Variants in FCHO2 observed in about 807,000 individuals in gnomAD.
FCHO2 encodes F-BAR domain only protein 2.
In FCHO2, 43 loss-of-function variants were observed where a neutral mutation model predicts 114.1. That is an observed-to-expected ratio of 0.38 (90% CI 0.30 to 0.49). The LOEUF (loss-of-function observed/expected upper bound fraction) is 0.49, where lower values mean the gene tolerates loss of function less well. Ranked by LOEUF, FCHO2 falls within the 20% of genes least tolerant of loss-of-function variation. The pLI is 0.97. For missense variants in FCHO2, 807 were observed against 950.4 expected (o/e 0.85, Z 1.98); for synonymous variants, 293 against 315.2 (o/e 0.93, Z 0.75).
intron 8 of FCHO2, among the ~76,000 whole-genome samples, chr5:73,034,099 A>G (rs1311864280): frequency 6.6e-6 from 1 of 152,224 alleles, no homozygotes; most frequent in Non-Finnish European, 1.5e-5. Flanking sequence ...TCCCAAGGTC[A>G]CCACTTAACT....
chr5:73,052,486 A>T lies in FCHO2; in HGVS notation c.1152A>T (p.Ile384=). ...LDELKVSIGN[I]TLSPAISRHS... ...AATTAAAAGTATCTATAGGGAATATAACACTCTCCCCAGCAATATCTGTAA... is the reference window on the plus strand; with the variant it reads ...AATTAAAAGTATCTATAGGGAATATTACACTCTCCCCAGCAATATCTGTAA... Residue 384 remains isoleucine, a synonymous_variant, in exon 13 of 26, where the codon ATA becomes ATT. Transcript: ENST00000430046. The T allele has an allele frequency of 6.3e-7, 1 of 1,593,032 alleles. No individual in the cohort carries two copies. Among genetic ancestry groups the T allele is most frequent in the Non-Finnish European group, 8.6e-7 (1 of 1,168,818 alleles).
intron 5 of FCHO2, among the ~76,000 whole-genome samples, chr5:72,992,501 A>T (rs1753859386): frequency 6.6e-6 from 1 of 152,246 alleles, no homozygotes; most frequent in Non-Finnish European, 1.5e-5. Flanking sequence ...GTCCTAAAGT[A>T]GGCAGTGGGA....
intron 2 of FCHO2, among the ~76,000 whole-genome samples, chr5:72,982,391 G>A (rs575846830): frequency 6.6e-6 from 1 of 152,294 alleles, no homozygotes; most frequent in Non-Finnish European, 1.5e-5. Flanking sequence ...TGGGTTTTAA[G>A]AGTTCTTTAT....
intron 8 of FCHO2, among the ~76,000 whole-genome samples, chr5:73,022,156 G>A (rs1348575287): frequency 2.0e-5 from 3 of 152,124 alleles, no homozygotes; most frequent in Non-Finnish European, 2.9e-5. Flanking sequence ...TTTTGAGAAT[G>A]CCTTTAAACC....
intron 11 of FCHO2, among the ~76,000 whole-genome samples, chr5:73,050,306 T>C (rs1054513067): frequency 1.1e-4 from 15 of 141,982 alleles, no homozygotes; most frequent in East Asian, 2.1e-4. Flanking sequence ...ATTTATTTAT[T>C]TATTTATTTA....
chr5:72,979,531 A>G (rs1753076929), intron 2 of FCHO2, among the ~76,000 whole-genome samples: 2 of 149,732 alleles, frequency 1.3e-5, no homozygotes, highest in South Asian at 4.3e-4. Context: ...AGCTGGGACT[A>G]CAGGCGCCCG....
chr5:73,024,234 A>C (rs1347967665), intron 8 of FCHO2, among the ~76,000 whole-genome samples: 1 of 151,798 alleles, frequency 6.6e-6, no homozygotes, highest in Admixed American at 6.6e-5. Context: ...TGATTTTTAA[A>C]AATTTTTAGT....
At chr5:73,058,338 T>G in intron 16 of FCHO2, 95 bp from the exon 17 acceptor site, 1 of 831,276 alleles carries the variant, frequency 1.2e-6, no homozygotes, top group Non-Finnish European at 1.8e-6. Flanking sequence ...TATATTGAGC[T>G]GTTAGAATTC....
chr5:72,977,370 T>A (rs1394213872), intron 2 of FCHO2, among the ~76,000 whole-genome samples: 1 of 152,246 alleles, frequency 6.6e-6, no homozygotes, highest in African/African-American at 2.4e-5. Flanking sequence ...ATTTCTCTAA[T>A]GACCAGTGAT....
intron 6 of FCHO2, among the ~76,000 whole-genome samples, chr5:73,010,806 G>A (rs540150666): frequency 6.8e-6 from 1 of 146,810 alleles, no homozygotes; most frequent in African/African-American, 2.5e-5. Flanking sequence ...GAAATGGGAA[G>A]CAGAGGTTGT....
At chr5:72,979,437 G>A (rs1469698309) in intron 2 of FCHO2, among the ~76,000 whole-genome samples, 2 of 118,894 alleles carry the variant, frequency 1.7e-5, no homozygotes, top group Non-Finnish European at 3.2e-5. Context: ...TGTCGCCCAG[G>A]CTGGAGTGCA....
chr5:73,089,350 T>A lies in FCHO2; in HGVS notation c.*1260T>A, dbSNP rs535650263. ...TGTGAGGGATGCATTTTTTAAAAGA[T>A]TAATTTTGGAAACAGAAGGAGAAGC... On this transcript the variant is annotated 3_prime_UTR_variant, in exon 26 of 26. Transcript: ENST00000430046. 3 of 152,338 alleles carry A rather than the reference T, an allele frequency of 2.0e-5. No homozygotes were observed. In the East Asian group the frequency reaches 5.8e-4, roughly 29 times the overall value. 9.4% of individuals were successfully genotyped at this position (152,338 alleles called of 1,614,324 possible). A position where few individuals can be genotyped will look rare whatever the true frequency, so the allele number is the denominator to read the frequency against.
intron 6 of FCHO2, among the ~76,000 whole-genome samples, chr5:73,010,660 TG>T (rs1487350587): frequency 1.3e-5 from 2 of 152,058 alleles, no homozygotes; most frequent in Non-Finnish European, 2.9e-5. Context: ...ACAGATCACC[TG>T]AAGTCAGGAG....
rs909550395 is a variant in FCHO2, at chr5:73,088,826, T to C, written c.*736T>C. 2 of 152,566 alleles carry C rather than the reference T, an allele frequency of 1.3e-5. No homozygotes were observed. The highest frequency in any genetic ancestry group is 2.9e-5 in the Non-Finnish European group (2 of 68,010). 9.5% of individuals were successfully genotyped at this position (152,566 alleles called of 1,614,324 possible). The stretch of plus-strand genomic sequence containing the variant: ...TTAATGCTGTAGATTTAATTTATTT[T>C]TATATGGAATTGCATAATGTGTGCC... On this transcript the variant is annotated 3_prime_UTR_variant, in exon 26 of 26. Coordinates refer to ENST00000430046, the MANE Select transcript of FCHO2 (RefSeq NM_138782.3).
chr5:72,980,492 G>A (rs1753144808), intron 2 of FCHO2, among the ~76,000 whole-genome samples: 1 of 152,108 alleles, frequency 6.6e-6, no homozygotes, highest in Non-Finnish European at 1.5e-5. Flanking sequence ...TTCAATTCCT[G>A]AATATCTTTG....
chr5:73,061,902 G>GTGC (rs1410526189), intron 17 of FCHO2, among the ~76,000 whole-genome samples: 1 of 152,088 alleles, frequency 6.6e-6, no homozygotes, highest in Non-Finnish European at 1.5e-5. Context: ...GCAGCTAACA[G>GTGC]TGCTGCTGCT....
At chr5:72,963,314 T>C (rs1486470597) in intron 1 of FCHO2, among the ~76,000 whole-genome samples, 1 of 152,170 alleles carries the variant, frequency 6.6e-6, no homozygotes, top group African/African-American at 2.4e-5. Flanking sequence ...TGCATGGTTT[T>C]CCTTTTTAAT....
chr5:73,048,117 C>CA (rs1213482639), intron 11 of FCHO2, among the ~76,000 whole-genome samples: 4 of 152,124 alleles, frequency 2.6e-5, no homozygotes, highest in Non-Finnish European at 4.4e-5. Flanking sequence ...ACTGGGGTTA[C>CA]AGTCATGAGC....
intron 18 of FCHO2, among the ~76,000 whole-genome samples, chr5:73,065,190 GTTA>G (rs944863749): frequency 5.3e-5 from 8 of 152,072 alleles, no homozygotes; most frequent in African/African-American, 1.9e-4. Flanking sequence ...CAAGGAGAAG[GTTA>G]TTATTTAAGT....
Sources: allele counts gnomAD v4.1 joint callset (sites outside exome capture counted in the v4.1 genomes callset), GRCh38; gene constraint gnomAD v4.1.1; transcripts MANE v1.5; gene names NCBI Gene and HGNC (gene_info 2026-07-23, HGNC 2026-07-21).